The following PPP1R2 variants were observed in gnomAD, a reference collection of about 807,000 sequenced individuals.
PPP1R2 encodes the protein protein phosphatase 1 regulatory inhibitor subunit 2.
Under a neutral mutation model 29.9 loss-of-function variants are expected in PPP1R2, and 16 were observed. The observed-to-expected ratio is 0.53, with a 90% confidence interval of 0.36 to 0.81. PPP1R2 has a LOEUF of 0.81. PPP1R2 is among the 30% of genes least tolerant of loss of function. The probability of loss-of-function intolerance (pLI) is 0.00; values close to 1 mark genes in which losing one functional copy is unlikely to be tolerated. For synonymous variants in PPP1R2, 76 were observed against 91.5 expected (o/e 0.83, Z 0.96); for missense variants, 197 against 252.7 (o/e 0.78, Z 1.49).
At chr3:195,540,348 G>C (rs564294823) in intron 1 of PPP1R2, among the ~76,000 whole-genome samples, 1 of 152,102 alleles carries the variant, frequency 6.6e-6, no homozygotes, top group Non-Finnish European at 1.5e-5. Flanking sequence ...CATTTTTGTT[G>C]GTGAATCTGG....
At chr3:195,522,526 C>A (rs1718800763) in intron 4 of PPP1R2, among the ~76,000 whole-genome samples, 1 of 152,192 alleles carries the variant, frequency 6.6e-6, no homozygotes, top group African/African-American at 2.4e-5. Context: ...TTATTCTCAA[C>A]AGATCATGTT....
chr3:195,537,570 C>T (rs1170130880), intron 1 of PPP1R2, among the ~76,000 whole-genome samples: 1 of 142,440 alleles, frequency 7.0e-6, no homozygotes, highest in African/African-American at 2.6e-5. Context: ...TGTTTCTTTG[C>T]CTAATTTCCT....
chr3:195,534,847 C>T (rs823507), intron 1 of PPP1R2, among the ~76,000 whole-genome samples: 53,969 of 152,042 alleles, frequency 0.35, 9,971 homozygotes, highest in Middle Eastern at 0.39. Flanking sequence ...GCTCAAGCCA[C>T]GTGCCTGGCA....
intron 1 of PPP1R2, among the ~76,000 whole-genome samples, chr3:195,535,828 A>C (rs1719357918): frequency 6.6e-6 from 1 of 152,224 alleles, no homozygotes; most frequent in African/African-American, 2.4e-5. Context: ...ACATAGAAGC[A>C]TCTTAAGAGA....
intron 2 of PPP1R2, among the ~76,000 whole-genome samples, chr3:195,525,168 C>T (rs1252861065): frequency 6.6e-6 from 1 of 152,036 alleles, no homozygotes; most frequent in African/African-American, 2.4e-5. Context: ...TGAATTCAAC[C>T]GTGGATTGAA....
chr3:195,516,981 A>G (rs772504820), intron 5 of PPP1R2, 39 bp from the exon 6 acceptor site: 2 of 1,567,404 alleles, frequency 1.3e-6, no homozygotes, highest in Non-Finnish European at 1.8e-6. Context: ...AATTTGTTAT[A>G]TGTTGTCAAC....
rs1332920183 is a variant in PPP1R2 at position 195,523,769 on chromosome 3, C to T, written c.326G>A (p.Gly109Asp). The change falls in exon 4 of 6, where the codon GGC becomes GAC. Residue 109 changes from glycine to aspartate, a missense_variant. Physicochemically the swap from Gly to Asp is moderately conservative, Grantham distance 94. Transcript: ENST00000618156. ...CTGAATCCGATACTTTGGCTCCAAG[C>T]CTTCAGCTGCAGCTAATCTATGCAA... The part of the protein sequence containing the change: ...ILARKLAAAE[G>D]LEPKYRIQEQ... 6.2e-7 allele frequency: 1 copy of T among 1,613,984 alleles called. No individual in the cohort carries two copies. The highest frequency in any genetic ancestry group is 8.5e-7 in the Non-Finnish European group (1 of 1,179,980).
intron 5 of PPP1R2, among the ~76,000 whole-genome samples, chr3:195,518,427 G>A (rs2641380): frequency 0.35 from 52,821 of 151,808 alleles, 9,600 homozygotes; most frequent in Non-Finnish European, 0.39. Context: ...CGAGGCGGGC[G>A]GATCACAAGG....
intron 1 of PPP1R2, among the ~76,000 whole-genome samples, chr3:195,535,386 T>C (rs1453566055): frequency 6.6e-6 from 1 of 152,212 alleles, no homozygotes; most frequent in Non-Finnish European, 1.5e-5. Flanking sequence ...CACCACTGTG[T>C]ATGCCATTGT....
intron 1 of PPP1R2, among the ~76,000 whole-genome samples, chr3:195,532,220 T>TCTTTTC (rs1200060934): frequency 1.4e-5 from 2 of 145,204 alleles, no homozygotes; most frequent in African/African-American, 5.2e-5. Context: ...TTTTTCTTTT[T>TCTTTTC]TTTTTTTTTT....
At chr3:195,525,825 T>C (rs977606384) in intron 2 of PPP1R2, among the ~76,000 whole-genome samples, 1 of 152,180 alleles carries the variant, frequency 6.6e-6, no homozygotes, top group Non-Finnish European at 1.5e-5. Context: ...CCTGGTTAAT[T>C]AAGGTGACAA....
At chr3:195,537,363 TA>T (rs1204508443) in intron 1 of PPP1R2, among the ~76,000 whole-genome samples, 3 of 152,176 alleles carry the variant, frequency 2.0e-5, no homozygotes, top group Non-Finnish European at 4.4e-5. Flanking sequence ...GAGTCTGAAT[TA>T]AAGTTTATTA....
intron 1 of PPP1R2, among the ~76,000 whole-genome samples, chr3:195,538,578 G>A (rs1006595697): frequency 6.6e-6 from 1 of 151,932 alleles, no homozygotes; most frequent in Non-Finnish European, 1.5e-5. Flanking sequence ...TCCCTTTATA[G>A]GCAGAAAAAG....
chr3:195,540,282 A>C (rs1719545440), intron 1 of PPP1R2, among the ~76,000 whole-genome samples: 1 of 152,292 alleles, frequency 6.6e-6, no homozygotes. Context: ...TTCTTGTTTC[A>C]GCTCTTGTAC....
chr3:195,531,476 T>C (rs1719176626), intron 1 of PPP1R2, among the ~76,000 whole-genome samples: 1 of 152,200 alleles, frequency 6.6e-6, no homozygotes, highest in African/African-American at 2.4e-5. Flanking sequence ...TATTCCCTTT[T>C]CCATACTCTC....
At chr3:195,525,475 G>GA (rs149807429) in intron 2 of PPP1R2, among the ~76,000 whole-genome samples, 7,946 of 150,726 alleles carry the variant, frequency 0.053, 301 homozygotes, top group South Asian at 0.17. Flanking sequence ...AAATGATCTG[G>GA]AAAAAAAAAT....
chr3:195,532,035 T>A (rs148199574), intron 1 of PPP1R2, among the ~76,000 whole-genome samples: 88 of 152,236 alleles, frequency 5.8e-4, no homozygotes, highest in African/African-American at 2.0e-3. Flanking sequence ...TGTGTCAGAA[T>A]GTCTCTCTTT....
chr3:195,521,956 G>A (rs1718778885), intron 4 of PPP1R2, among the ~76,000 whole-genome samples: 1 of 152,112 alleles, frequency 6.6e-6, no homozygotes, highest in African/African-American at 2.4e-5. Context: ...CGGCCATCAT[G>A]ATTCTTAATA....
chr3:195,519,305 G>A (rs1718668328), intron 4 of PPP1R2, 120 bp from the exon 5 acceptor site: 1 of 769,562 alleles, frequency 1.3e-6, no homozygotes, highest in South Asian at 2.0e-5. Context: ...GCTTAAGGCT[G>A]CTTTTGTGTT....
Sources: allele counts gnomAD v4.1 joint callset (sites outside exome capture counted in the v4.1 genomes callset), GRCh38; gene constraint gnomAD v4.1.1; transcripts MANE v1.5; gene names NCBI Gene and HGNC (gene_info 2026-07-23, HGNC 2026-07-21).